SCNN1B: variants seen among roughly 807,000 people sequenced by gnomAD.
SCNN1B encodes sodium channel epithelial 1 subunit beta.
Under a neutral mutation model 65.3 loss-of-function variants are expected in SCNN1B, and 46 were observed. The ratio of observed to expected loss-of-function variants is 0.70; its 90% CI spans 0.56 to 0.90. The LOEUF (loss-of-function observed/expected upper bound fraction) is 0.90. SCNN1B is among the 40% of genes least tolerant of loss of function. The pLI, the probability that SCNN1B is intolerant of heterozygous loss-of-function variation, is 0.00. For missense variants in SCNN1B, 751 were observed against 830.5 expected (o/e 0.90, Z 1.18); for synonymous variants, 349 against 330.6 (o/e 1.06, Z -0.60).
chr16:23,312,967 A>G (rs1336467004), intron 1 of SCNN1B, among the ~76,000 whole-genome samples: 1 of 152,214 alleles, frequency 6.6e-6, no homozygotes, highest in Non-Finnish European at 1.5e-5. Flanking sequence ...CTTTCCCAAT[A>G]CAAAGCAGTT....
rs1006421696 is a variant in SCNN1B, at chr16:23,348,672, C to G, written c.73C>G (p.Leu25Val). The change falls in exon 2 of 13, where the codon CTG becomes GTG. Residue 25 changes from leucine (L) to valine (V), a missense_variant. By Grantham distance (32) the Leu-to-Val change is conservative. Coordinates refer to ENST00000343070, the MANE Select transcript of SCNN1B (RefSeq NM_000336.3). This position sits in a 1 kb window ranked among gnomAD's most constrained non-coding sequence, Gnocchi z 4.5. ...GGGCCCCGGCTACACGTACAAGGAG[C>G]TGCTGGTGTGGTACTGCGACAACAC... is the stretch of plus-strand genomic sequence containing the variant. ...QKGPGYTYKE[L>V]LVWYCDNTNT... 1 of 1,613,812 alleles carries G rather than the reference C, an allele frequency of 6.2e-7. No homozygotes were observed. The highest frequency in any genetic ancestry group is 1.3e-5 in the African/African-American group (1 of 74,938).
chr16:23,380,870 T>C lies in SCNN1B; in HGVS notation c.*69T>C. ...CCAAGACTGTTGCCCGAGGCCTCAC[T>C]GTATGGTGCCCTCTCCAAAGGGTCG... On this transcript the variant is annotated 3_prime_UTR_variant, in exon 13 of 13. Coordinates refer to ENST00000343070, the MANE Select transcript of SCNN1B (RefSeq NM_000336.3). This position sits in a 1 kb window ranked among gnomAD's most constrained non-coding sequence, Gnocchi z 5.4. 1.3e-6 allele frequency: 2 copies of C among 1,543,988 alleles called. No individual in the cohort carries two copies. Among genetic ancestry groups the C allele is most frequent in the African/African-American group, 1.4e-5 (1 of 73,662 alleles).
Position 23,375,759 on chromosome 16 carries a change from C to G in SCNN1B, c.1174C>G (p.Gln392Glu). 1 of 1,614,038 alleles carries G rather than the reference C, an allele frequency of 6.2e-7. No individual in the cohort carries two copies. The highest frequency in any genetic ancestry group is 8.5e-7 in the Non-Finnish European group (1 of 1,179,894). The change falls in exon 8 of 13, where the codon CAA becomes GAA. Residue 392 changes from glutamine to glutamate, a missense_variant. Coordinates refer to ENST00000343070, the MANE Select transcript of SCNN1B (RefSeq NM_000336.3). ...SIQACLRSCFQDHMIRNCNCG... is the reference protein window; with the variant it reads ...SIQACLRSCFEDHMIRNCNCG... ...CCAGGCCTGTCTTCGCTCCTGCTTC[C>G]AAGACCACATGATCCGTAACTGCAA...
At chr16:23,285,967 C>T (rs1397385021) in intron 2 of SCNN1B, among the ~76,000 whole-genome samples, 1 of 152,132 alleles carries the variant, frequency 6.6e-6, no homozygotes, top group Non-Finnish European at 1.5e-5. Flanking sequence ...GAGCGAGACA[C>T]TGTCTTAAAA....
At chr16:23,379,915 C>T (rs571507160) in intron 11 of SCNN1B, among the ~76,000 whole-genome samples, 179 bp from the exon 12 acceptor site, 1 of 152,272 alleles carries the variant, frequency 6.6e-6, no homozygotes, top group East Asian at 1.9e-4. Context: ...AGGGCTGGGG[C>T]GGCCATCCCT....
intron 1 of SCNN1B, among the ~76,000 whole-genome samples, chr16:23,314,320 G>A (rs1042979857): frequency 1.3e-5 from 2 of 152,132 alleles, no homozygotes; most frequent in African/African-American, 4.8e-5. Flanking sequence ...GAACTGCCAC[G>A]CCCGGCCAGG....
At chr16:23,364,710 G>A (rs945741220) in intron 4 of SCNN1B, among the ~76,000 whole-genome samples, 57 of 152,322 alleles carry the variant, frequency 3.7e-4, no homozygotes, top group Middle Eastern at 3.4e-3. Flanking sequence ...ACATCTTGGA[G>A]CCTGGCGTGG....
chr16:23,346,193 T>A (rs1434270210), intron 1 of SCNN1B, among the ~76,000 whole-genome samples: 1 of 140,054 alleles, frequency 7.1e-6, no homozygotes, highest in Non-Finnish European at 1.5e-5. Flanking sequence ...CACCCTTTTT[T>A]CCTTTTCTTT....
rs1238564416 is a variant in SCNN1B, at chr16:23,305,543, T to A, written c.-9+3106T>A. 2.3e-3 allele frequency among the ~76,000 whole-genome samples: 67 copies of A among 29,642 alleles called. 4 individuals carry two copies. Among genetic ancestry groups the A allele is most frequent in the African/African-American group, 0.022 (51 of 2,324 alleles). The allele number at this position is 29,642 out of a possible 152,430, so 19.4% of individuals were successfully genotyped here. A position where few individuals can be genotyped will look rare whatever the true frequency, so the allele number is the denominator to read the frequency against. On this transcript the variant is annotated intron_variant, in intron 1 of 12. Transcript: ENST00000343070. ...CTACCAAATATATATATTATATATATATATATATATATATATATATATATA... is the reference window on the plus strand; with the variant it reads ...CTACCAAATATATATATTATATATAAATATATATATATATATATATATATA...
chr16:23,295,883 C>T (rs1009405355), intron 2 of SCNN1B, among the ~76,000 whole-genome samples: 2 of 152,136 alleles, frequency 1.3e-5, no homozygotes, highest in Non-Finnish European at 2.9e-5. Context: ...TCCTCTTCCC[C>T]AGGTCAAGGC....
chr16:23,308,658 A>G (rs1283784584), intron 1 of SCNN1B, among the ~76,000 whole-genome samples: 3 of 152,042 alleles, frequency 2.0e-5, no homozygotes, highest in East Asian at 1.9e-4. Flanking sequence ...TTATTTTGAG[A>G]CAGAGTCTGA....
intron 1 of SCNN1B, among the ~76,000 whole-genome samples, chr16:23,312,128 ATT>A (rs1961357960): frequency 6.6e-6 from 1 of 151,904 alleles, no homozygotes; most frequent in Non-Finnish European, 1.5e-5. Context: ...TCCTTAAAAC[ATT>A]TTCTTTCCTT....
In SCNN1B at chr16:23,289,004, A is replaced by G. The variant is rs180938571; in HGVS notation, n.178+5200A>G. On this transcript the variant is annotated intron_variant and non_coding_transcript_variant, in intron 2 of 3. Transcript: ENST00000569789. ...GGCAGCAAGGGAGGGTGCTAGCAAG[A>G]CAGCAGTGAGCAACTTACATAGCCT... 1.5e-3 allele frequency among the ~76,000 whole-genome samples: 224 copies of G among 152,294 alleles called. 1 individual carries two copies. The highest frequency in any genetic ancestry group is 5.2e-3 in the African/African-American group (215 of 41,552).
intron 4 of SCNN1B, among the ~76,000 whole-genome samples, chr16:23,360,201 A>T (rs973651755): frequency 4.5e-5 from 6 of 132,752 alleles, no homozygotes; most frequent in Non-Finnish European, 1.0e-4. Context: ...CCATCTCAAA[A>T]AAATAAATAA....
intron 2 of SCNN1B, among the ~76,000 whole-genome samples, chr16:23,284,516 C>T (rs943217368): frequency 8.5e-5 from 13 of 152,166 alleles, no homozygotes; most frequent in Non-Finnish European, 1.5e-5. Flanking sequence ...GTTAGAACTC[C>T]AGCACCTCAC....
chr16:23,290,275 A>G (rs1474258204), intron 2 of SCNN1B, among the ~76,000 whole-genome samples: 1 of 152,104 alleles, frequency 6.6e-6, no homozygotes, highest in Non-Finnish European at 1.5e-5. Flanking sequence ...TGTTATTGAA[A>G]TTATTATTAG....
intron 11 of SCNN1B, among the ~76,000 whole-genome samples, chr16:23,379,826 C>T (rs528023503): frequency 7.2e-5 from 11 of 152,218 alleles, no homozygotes; most frequent in Admixed American, 2.0e-4. Context: ...CCAGAAGGGC[C>T]GGGAAGGGCT....
chr16:23,331,325 C>CTTTT (rs112461468), intron 1 of SCNN1B, among the ~76,000 whole-genome samples: 1 of 138,178 alleles, frequency 7.2e-6, no homozygotes, highest in African/African-American at 2.7e-5. Context: ...TTCCTAGTCA[C>CTTTT]TTTTTTTTTT....
rs1205934713 is a variant in SCNN1B at position 23,367,166 on chromosome 16, C to G, written c.777-690C>G. Among the ~76,000 whole-genome samples, 3 of 152,248 alleles carry G rather than the reference C, an allele frequency of 2.0e-5. No individual in the cohort carries two copies. In the East Asian group the frequency reaches 5.8e-4, roughly 29 times the overall value. Reference sequence around the variant, plus strand: ...CCTCATCTCGAGATCCTTAGCACATCTGCAAGGACCCTTTCTCCAAATAAG... The same window carrying G: ...CCTCATCTCGAGATCCTTAGCACATGTGCAAGGACCCTTTCTCCAAATAAG... On this transcript the variant is annotated intron_variant, in intron 4 of 12. Coordinates refer to ENST00000343070, the MANE Select transcript of SCNN1B (RefSeq NM_000336.3).
Sources: gnomAD v4.1 joint callset for allele counts (sites outside exome capture counted in the v4.1 genomes callset) on GRCh38, gnomAD v4.1.1 for gene constraint, Gnocchi (gnomAD v3.1) non-coding constraint, MANE v1.5 for transcripts, NCBI Gene and HGNC (gene_info 2026-07-23, HGNC 2026-07-21) for gene names.